TSPAN12: variants seen among roughly 807,000 people sequenced by gnomAD.
TSPAN12 encodes tetraspanin 12, also known as tetraspanin-12.
A neutral mutation model predicts 39.2 loss-of-function variants in TSPAN12; 19 were observed. The ratio of observed to expected loss-of-function variants is 0.49; its 90% confidence interval spans 0.34 to 0.71. The LOEUF (loss-of-function observed/expected upper bound fraction) is 0.71. Ranked by LOEUF, TSPAN12 falls within the 30% of genes least tolerant of loss-of-function variation. The pLI is 0.01. For synonymous variants in TSPAN12, 119 were observed against 124.8 expected (o/e 0.95, Z 0.31); for missense variants, 314 against 359.9 (o/e 0.87, Z 1.03).
intron 6 of TSPAN12, among the ~76,000 whole-genome samples, chr7:120,808,033 CAAGGA>C (rs1584930476): frequency 6.6e-6 from 1 of 151,988 alleles, no homozygotes; most frequent in African/African-American, 2.4e-5. Flanking sequence ...AAATCATAAA[CAAGGA>C]AAGGTTAACT....
intron 2 of TSPAN12, among the ~76,000 whole-genome samples, chr7:120,844,935 G>T (rs1794645132): frequency 6.6e-6 from 1 of 152,200 alleles, no homozygotes; most frequent in Non-Finnish European, 1.5e-5. Context: ...CTCCATGAGG[G>T]CTCTGTCCCT....
At chr7:120,834,085 A>C (rs1442241710) in intron 4 of TSPAN12, among the ~76,000 whole-genome samples, 1 of 152,126 alleles carries the variant, frequency 6.6e-6, no homozygotes, top group African/African-American at 2.4e-5. Flanking sequence ...AATACATAAA[A>C]ATTTCTGTTC....
At chr7:120,791,698 T>C (rs1793526304) in intron 7 of TSPAN12, among the ~76,000 whole-genome samples, 1 of 152,244 alleles carries the variant, frequency 6.6e-6, no homozygotes. Context: ...GTACAGTTTA[T>C]CATGTTTCAT....
chr7:120,838,537 C>G (rs1450316735), intron 4 of TSPAN12, among the ~76,000 whole-genome samples: 1 of 152,150 alleles, frequency 6.6e-6, no homozygotes, highest in African/African-American at 2.4e-5. Flanking sequence ...CTCATACTTT[C>G]AAATGAAAAT....
intron 4 of TSPAN12, among the ~76,000 whole-genome samples, chr7:120,818,257 A>G (rs984539449): frequency 6.6e-5 from 10 of 152,070 alleles, no homozygotes; most frequent in African/African-American, 2.4e-4. Context: ...TGAGCCATGG[A>G]AAGGATTTTG....
chr7:120,845,814 C>T (rs1041584908), intron 2 of TSPAN12, among the ~76,000 whole-genome samples: 2 of 152,198 alleles, frequency 1.3e-5, no homozygotes, highest in Non-Finnish European at 2.9e-5. Context: ...GTCTTCTGAG[C>T]CTTTCAAACT....
At chr7:120,852,375 T>A (rs1794786071) in intron 2 of TSPAN12, among the ~76,000 whole-genome samples, 1 of 152,150 alleles carries the variant, frequency 6.6e-6, no homozygotes, top group African/African-American at 2.4e-5. Context: ...ACAATCTCCC[T>A]CTCCATAGTC....
chr7:120,821,360 T>C (rs1794184347), intron 4 of TSPAN12, among the ~76,000 whole-genome samples: 2 of 151,546 alleles, frequency 1.3e-5, no homozygotes, highest in African/African-American at 4.9e-5. Context: ...GGTTCAAAGA[T>C]GAGTGCCTTC....
intron 4 of TSPAN12, 49 bp from the exon 5 acceptor site, chr7:120,815,852 G>C (rs199847931): frequency 2.0e-6 from 3 of 1,513,834 alleles, no homozygotes; most frequent in Admixed American, 3.6e-5. Context: ...AATAAAATAG[G>C]CTCCTCAAAG....
Position 120,788,543 on chromosome 7 carries a change from C to T in TSPAN12, c.*49G>A. The T allele has an allele frequency of 1.2e-6, 2 of 1,610,116 alleles. No homozygotes were observed. Among genetic ancestry groups the T allele is most frequent in the Non-Finnish European group, 1.7e-6 (2 of 1,176,764 alleles). Reference sequence around the variant, plus strand: ...AACACATAGTATGTACTCAAAAATTCACAAGTCCAGTAAAACAAGTTTGTG... The same window carrying T: ...AACACATAGTATGTACTCAAAAATTTACAAGTCCAGTAAAACAAGTTTGTG... On this transcript the variant is annotated 3_prime_UTR_variant, in exon 8 of 8. Coordinates refer to ENST00000222747, the MANE Select transcript of TSPAN12 (RefSeq NM_012338.4).
At chr7:120,813,313 T>G (rs1386913561) in intron 5 of TSPAN12, among the ~76,000 whole-genome samples, 1 of 152,202 alleles carries the variant, frequency 6.6e-6, no homozygotes, top group Admixed American at 6.5e-5. Context: ...ATCCTGGTGA[T>G]GTAATGGGAA....
At chr7:120,827,116 G>A (rs1381173936) in intron 4 of TSPAN12, among the ~76,000 whole-genome samples, 1 of 150,754 alleles carries the variant, frequency 6.6e-6, no homozygotes, top group Non-Finnish European at 1.5e-5. Context: ...AAGAAAACTC[G>A]TACTATAATA....
In TSPAN12 at chr7:120,840,764, A is replaced by T. The variant is rs140179691; in HGVS notation, c.67-655T>A. ...TCTCTTTATCCTACTTTTCCTGTACAAACTAAAGGAAGAACAAAGGACTTG... is the reference window on the plus strand; with the variant it reads ...TCTCTTTATCCTACTTTTCCTGTACTAACTAAAGGAAGAACAAAGGACTTG... On this transcript the variant is annotated intron_variant, in intron 2 of 7. Transcript: ENST00000222747. Among the ~76,000 whole-genome samples the T allele has an allele frequency of 2.0e-5, 3 of 152,338 alleles. No homozygotes were observed. The East Asian group carries it at 5.8e-4, about 29-fold the overall frequency.
At chr7:120,790,365 C>T (rs1793498590) in intron 7 of TSPAN12, among the ~76,000 whole-genome samples, 1 of 152,186 alleles carries the variant, frequency 6.6e-6, no homozygotes, top group African/African-American at 2.4e-5. Flanking sequence ...GATAATAGTG[C>T]TTACCTGTCT....
At chr7:120,851,000 AT>A (rs1398757985) in intron 2 of TSPAN12, among the ~76,000 whole-genome samples, 1 of 152,140 alleles carries the variant, frequency 6.6e-6, no homozygotes, top group Non-Finnish European at 1.5e-5. Flanking sequence ...GACTAAAGGA[AT>A]TTTTTATGGT....
intron 7 of TSPAN12, among the ~76,000 whole-genome samples, chr7:120,794,342 G>A (rs1394570326): frequency 6.6e-6 from 1 of 152,184 alleles, no homozygotes; most frequent in African/African-American, 2.4e-5. Context: ...ATGTTGAAAT[G>A]TAATCCACAG....
chr7:120,847,241 A>C (rs1472989410), intron 2 of TSPAN12, among the ~76,000 whole-genome samples: 2 of 151,204 alleles, frequency 1.3e-5, no homozygotes, highest in Non-Finnish European at 2.9e-5. Flanking sequence ...GACAAAAAAA[A>C]AAAAAACAAA....
At chr7:120,836,692 A>G (rs191702134) in intron 4 of TSPAN12, among the ~76,000 whole-genome samples, 16 of 152,284 alleles carry the variant, frequency 1.1e-4, no homozygotes, top group African/African-American at 3.9e-4. Flanking sequence ...GAATGAATGA[A>G]TGAGTAAATT....
intron 2 of TSPAN12, among the ~76,000 whole-genome samples, chr7:120,845,046 G>T (rs1187560820): frequency 6.6e-6 from 1 of 152,194 alleles, no homozygotes; most frequent in Non-Finnish European, 1.5e-5. Context: ...GCACCCACAG[G>T]CTTAACACCA....
Sources: allele counts gnomAD v4.1 joint callset (sites outside exome capture counted in the v4.1 genomes callset), GRCh38; gene constraint gnomAD v4.1.1; transcripts MANE v1.5; gene names NCBI Gene and HGNC (gene_info 2026-07-23, HGNC 2026-07-21).